Variants in MLF1 observed in about 807,000 individuals in gnomAD.
The protein encoded by MLF1 is myeloid leukemia factor 1, also known as myelodysplasia-myeloid leukemia factor 1.
MLF1 carries 37 observed loss-of-function variants against 38.3 expected under a neutral mutation model. The ratio of observed to expected loss-of-function variants is 0.96; its 90% CI spans 0.74 to 1.27. The LOEUF (loss-of-function observed/expected upper bound fraction) is 1.27, where lower values mean the gene tolerates loss of function less well. MLF1 is among the 50% of genes most tolerant of loss of function. The pLI is 0.00. For synonymous variants in MLF1, 95 were observed against 106.5 expected (o/e 0.89, Z 0.66); for missense variants, 331 against 349.2 (o/e 0.95, Z 0.42).
chr3:158,582,995 A>G, intron 1 of MLF1: 2 of 607,728 alleles, frequency 3.3e-6, no homozygotes, highest in Admixed American at 3.0e-5. Context: ...TGTTCAAATA[A>G]TAATAGGCAC....
At chr3:158,576,450 C>T (rs1009390008) in intron 1 of MLF1, among the ~76,000 whole-genome samples, 5 of 152,066 alleles carry the variant, frequency 3.3e-5, no homozygotes, top group African/African-American at 1.2e-4. Flanking sequence ...GTTTTGGCAT[C>T]CTGTACCCTA....
chr3:158,601,707 A>G (rs1331248047), intron 6 of MLF1, among the ~76,000 whole-genome samples: 1 of 151,646 alleles, frequency 6.6e-6, no homozygotes, highest in African/African-American at 2.4e-5. Flanking sequence ...CAGTGAGCCA[A>G]GATCACGCAT....
intron 1 of MLF1, 67 bp downstream of exon 1, chr3:158,571,414 G>A: frequency 6.2e-7 from 1 of 1,600,568 alleles, no homozygotes; most frequent in Non-Finnish European, 8.6e-7. Flanking sequence ...GCTATTTTAA[G>A]GGAAAAGAGC....
At chr3:158,604,722 G>A (rs532018372) in intron 7 of MLF1, among the ~76,000 whole-genome samples, 1 of 151,976 alleles carries the variant, frequency 6.6e-6, no homozygotes. Context: ...GCAGTGGCGC[G>A]ATCTCAACTC....
chr3:158,583,670 C>A (rs1052153618), intron 1 of MLF1, among the ~76,000 whole-genome samples: 2 of 152,150 alleles, frequency 1.3e-5, no homozygotes, highest in African/African-American at 4.8e-5. Flanking sequence ...ACTACTCCCC[C>A]CTAATTCAAT....
intron 6 of MLF1, 31 bp from the exon 7 acceptor site, chr3:158,602,776 C>T (rs776268397): frequency 2.5e-6 from 4 of 1,607,870 alleles, no homozygotes; most frequent in Admixed American, 3.3e-5. Context: ...TACCTTAATA[C>T]TTATTCCCAT....
chr3:158,572,885 T>A (rs1714756857), intron 1 of MLF1, among the ~76,000 whole-genome samples: 1 of 151,346 alleles, frequency 6.6e-6, no homozygotes, highest in South Asian at 2.1e-4. Flanking sequence ...CTGCATGAGA[T>A]GGAAAGAAGG....
In MLF1 at chr3:158,605,561, A is replaced by G. The variant is rs1576700103; in HGVS notation, c.*359A>G. On this transcript the variant is annotated 3_prime_UTR_variant, in exon 8 of 8. Coordinates refer to ENST00000466246, the MANE Select transcript of MLF1 (RefSeq NM_001369783.1). ...GCAGTTCTATCACTTATAATTAGTT[A>G]TAAGAAATTATAATGTTAAAAAAGT... 2 of 206,576 alleles carry G rather than the reference A, an allele frequency of 9.7e-6. No homozygotes were observed. The highest frequency in any genetic ancestry group is 4.6e-5 in the African/African-American group (2 of 43,918). The allele number at this position is 206,576 out of a possible 1,614,324, so 12.8% of individuals were successfully genotyped here.
intron 5 of MLF1, 98 bp downstream of exon 5, chr3:158,598,306 A>C: frequency 3.2e-5 from 18 of 560,378 alleles, no homozygotes; most frequent in East Asian, 1.8e-4. Context: ...CTGGTACAAG[A>C]TGGTGGGGGG....
At chr3:158,583,876 A>C (rs1716801084) in intron 1 of MLF1, among the ~76,000 whole-genome samples, 1 of 152,220 alleles carries the variant, frequency 6.6e-6, no homozygotes, top group Non-Finnish European at 1.5e-5. Flanking sequence ...GTGTAACTAA[A>C]ATCTTGAGGA....
intron 1 of MLF1, among the ~76,000 whole-genome samples, chr3:158,576,015 T>C (rs1715365977): frequency 1.3e-5 from 2 of 152,346 alleles, no homozygotes; most frequent in South Asian, 4.1e-4. Context: ...AAATTGTTAA[T>C]TGCTTAAAAT....
Position 158,595,768 on chromosome 3 carries a change from A to G in MLF1, c.241-1094A>G, listed in dbSNP as rs543473916. On this transcript the variant is annotated intron_variant, in intron 3 of 7. Coordinates refer to ENST00000466246, the MANE Select transcript of MLF1 (RefSeq NM_001369783.1). ...ACATTATTATATCTGTAAAAATCCA[A>G]TAGCAATAGAACACAGAGACACAAA... is the stretch of plus-strand genomic sequence containing the variant. Among the ~76,000 whole-genome samples the G allele has an allele frequency of 1.5e-3, 228 of 152,258 alleles. 1 individual carries two copies. Among genetic ancestry groups the G allele is most frequent in the Non-Finnish European group, 2.8e-3 (193 of 68,000 alleles).
intron 3 of MLF1, among the ~76,000 whole-genome samples, chr3:158,596,097 A>G (rs1186011091): frequency 6.6e-6 from 1 of 152,080 alleles, no homozygotes; most frequent in Non-Finnish European, 1.5e-5. Flanking sequence ...GTTAAGCTGC[A>G]TCCCTGACCT....
intron 1 of MLF1, among the ~76,000 whole-genome samples, chr3:158,591,846 GTT>G (rs34976879): frequency 6.8e-6 from 1 of 147,890 alleles, no homozygotes; most frequent in East Asian, 1.9e-4. Flanking sequence ...AAATAAAGAT[GTT>G]TTTTTTATTA....
chr3:158,603,049 C>T (rs1720030409), intron 7 of MLF1, 110 bp downstream of exon 7: 1 of 887,526 alleles, frequency 1.1e-6, no homozygotes, highest in South Asian at 2.1e-5. Flanking sequence ...ATTGTATCCA[C>T]AGTATCTTTT....
intron 7 of MLF1, 26 bp downstream of exon 7, chr3:158,602,965 G>A (rs200366448): frequency 9.2e-5 from 145 of 1,581,158 alleles, no homozygotes; most frequent in Non-Finnish European, 1.2e-4. Flanking sequence ...AAAATAGTTT[G>A]GTTTTTTAAG....
chr3:158,572,442 T>C (rs1282222994), intron 1 of MLF1, among the ~76,000 whole-genome samples: 1 of 57,118 alleles, frequency 1.8e-5, no homozygotes, highest in African/African-American at 7.9e-5. Flanking sequence ...GAGGTGGCGG[T>C]AAGAGGGTTG....
rs554669015 is a variant in MLF1, at chr3:158,592,942, T to G, written c.195+361T>G. 7.2e-5 allele frequency among the ~76,000 whole-genome samples: 11 copies of G among 152,288 alleles called. No individual in the cohort carries two copies. In the South Asian group the frequency reaches 2.3e-3, roughly 32 times the overall value. ...TCTCCCATACTCATTGTTTTAATAC[T>G]TGAAAATAGTATCAAAAGCTACAAA... On this transcript the variant is annotated intron_variant, in intron 2 of 7. Coordinates refer to ENST00000466246, the MANE Select transcript of MLF1 (RefSeq NM_001369783.1).
intron 1 of MLF1, among the ~76,000 whole-genome samples, chr3:158,580,883 C>T: frequency 6.6e-6 from 1 of 151,880 alleles, no homozygotes; most frequent in Non-Finnish European, 1.5e-5. Flanking sequence ...CTTAGGAGGT[C>T]AAAGCTGCAG....
Sources: allele counts gnomAD v4.1 joint callset (sites outside exome capture counted in the v4.1 genomes callset), GRCh38; gene constraint gnomAD v4.1.1; transcripts MANE v1.5; gene names NCBI Gene and HGNC (gene_info 2026-07-23, HGNC 2026-07-21).